Variants in ALDH4A1 observed in about 807,000 individuals in gnomAD.
ALDH4A1 encodes aldehyde dehydrogenase 4 family member A1.
Under a neutral mutation model 70.5 loss-of-function variants are expected in ALDH4A1, and 46 were observed. The observed-to-expected ratio is 0.65, with a 90% CI of 0.51 to 0.83. The LOEUF (loss-of-function observed/expected upper bound fraction) is 0.83. ALDH4A1 is among the 40% of genes least tolerant of loss of function. ALDH4A1 has a pLI of 0.00. For synonymous variants in ALDH4A1, 323 were observed against 324.3 expected, an observed-to-expected ratio of 1.00 and a Z score of 0.04; for missense variants, 749 against 766.5, an observed-to-expected ratio of 0.98 and a Z score of 0.27.
Position 18,871,570 on chromosome 1 carries a change from T to G in ALDH4A1, c.*1275A>C, listed in dbSNP as rs1138333. Reference sequence around the variant, plus strand: ...CCGGCCCCTCATGGGAAATGACACATATCCTGGAAGGACACAGAACCCACA... The same window carrying G: ...CCGGCCCCTCATGGGAAATGACACAGATCCTGGAAGGACACAGAACCCACA... On this transcript the variant is annotated 3_prime_UTR_variant, in exon 15 of 15. Transcript: ENST00000375341. The G allele has an allele frequency of 0.24, 36,847 of 152,262 alleles. 4,711 individuals are homozygous for G. Among genetic ancestry groups the G allele is most frequent in the Middle Eastern group, 0.31 (91 of 296 alleles). 9.4% of individuals were successfully genotyped at this position (152,262 alleles called of 1,614,324 possible).
chr1:18,896,892 CAAA>C (rs372356973), intron 1 of ALDH4A1, among the ~76,000 whole-genome samples: 4 of 119,892 alleles, frequency 3.3e-5, no homozygotes, highest in African/African-American at 3.1e-5. Context: ...GACGATGTCT[CAAA>C]AAAAAAAAAA....
intron 9 of ALDH4A1, 96 bp downstream of exon 9, chr1:18,879,204 T>C (rs1031051126): frequency 3.2e-5 from 41 of 1,276,192 alleles, no homozygotes; most frequent in Non-Finnish European, 4.3e-5. Flanking sequence ...TCCACCTGAC[T>C]TGTGGCTGGA....
chr1:18,877,880 T>C (rs767954038), intron 9 of ALDH4A1, among the ~76,000 whole-genome samples: 3 of 152,098 alleles, frequency 2.0e-5, no homozygotes, highest in Non-Finnish European at 4.4e-5. Flanking sequence ...CCCATTACAC[T>C]GATGGGAAAA....
intron 2 of ALDH4A1, 52 bp downstream of exon 2, chr1:18,889,960 G>T: frequency 7.0e-7 from 1 of 1,434,310 alleles, no homozygotes. Flanking sequence ...TGCTGGGGAT[G>T]GCCTCTGCTC....
chr1:18,881,125 C>G (rs996258844), intron 8 of ALDH4A1, among the ~76,000 whole-genome samples: 2 of 152,082 alleles, frequency 1.3e-5, no homozygotes, highest in East Asian at 3.9e-4. Context: ...CCTCCCCTAC[C>G]TCAACTCAAA....
Position 18,873,073 on chromosome 1 carries a change from G to C in ALDH4A1, c.1580-116C>G, listed in dbSNP as rs142667507. On this transcript the variant is annotated intron_variant, in intron 14 of 14. Transcript: ENST00000375341. ...CAGTGTAGCGGCCAGCAGCGAGCCT[G>C]CTGCCAAGCTTGGGGCATGCAGAAG... 2.3e-5 allele frequency: 20 copies of C among 887,560 alleles called. 1 individual carries two copies. The highest frequency in any genetic ancestry group is 2.2e-4 in the South Asian group (16 of 72,000). 55.0% of individuals were successfully genotyped at this position (887,560 alleles called of 1,614,324 possible).
At position 18,890,019 on chromosome 1, in the gene ALDH4A1, A is replaced by T; in HGVS notation, c.149T>A (p.Leu50Gln). Residue 50 changes from leucine to glutamine, a missense_variant, in exon 2 of 15, where the codon CTG becomes CAG. Coordinates refer to ENST00000375341, the MANE Select transcript of ALDH4A1 (RefSeq NM_003748.4). ...FTQGSPERDALQKALKDLKGR... is the reference protein window; with the variant it reads ...FTQGSPERDAQQKALKDLKGR... Reference sequence around the variant, plus strand: ...CTCCCACCCTCCCATTACCTTTTGCAGGGCATCTCGCTCAGGGCTGCCCTG... The same window carrying T: ...CTCCCACCCTCCCATTACCTTTTGCTGGGCATCTCGCTCAGGGCTGCCCTG... The T allele has an allele frequency of 6.2e-7, 1 of 1,607,644 alleles. No individual in the cohort carries two copies. Among genetic ancestry groups the T allele is most frequent in the Non-Finnish European group, 8.5e-7 (1 of 1,177,072 alleles).
chr1:18,878,653 G>A (rs939599427), intron 9 of ALDH4A1, among the ~76,000 whole-genome samples: 5 of 152,188 alleles, frequency 3.3e-5, no homozygotes, highest in Non-Finnish European at 5.9e-5. Flanking sequence ...CCCAATGCGT[G>A]TGGGAAACAC....
Position 18,876,373 on chromosome 1 carries a change from T to C in ALDH4A1, c.1280A>G (p.Tyr427Cys). 6.2e-7 allele frequency: 1 copy of C among 1,613,822 alleles called. No individual in the cohort carries two copies. Among genetic ancestry groups the C allele is most frequent in the Non-Finnish European group, 8.5e-7 (1 of 1,179,934 alleles). Residue 427 changes from tyrosine (Y) to cysteine (C), a missense_variant, in exon 12 of 15, where the codon TAC (tyrosine) becomes TGC (cysteine). Coordinates refer to ENST00000375341, the MANE Select transcript of ALDH4A1 (RefSeq NM_003748.4). ...CTCCACGATGCAGGGCTCCACAAAG[T>C]AGCCCACGGAGTCATCACACTTGCC... ...AGGKCDDSVG[Y>C]FVEPCIVESK...
chr1:18,889,536 C>T (rs994432311), intron 2 of ALDH4A1, 82 bp from the exon 3 acceptor site: 12 of 1,275,310 alleles, frequency 9.4e-6, no homozygotes, highest in African/African-American at 4.4e-5. Context: ...AGTCCACAGA[C>T]GGAGGTGCCC....
rs189298829 is a variant in ALDH4A1, at chr1:18,880,640, T to C, written c.866+1060A>G. ...GAAAGGAAACAGCGTGGATCAGGTA[T>C]GCAGGGAGCCAGAGGGCACCCACCC... is the stretch of plus-strand genomic sequence containing the variant. On this transcript the variant is annotated intron_variant, in intron 8 of 14. Transcript: ENST00000375341. The surrounding 1 kb of genome is among the most constrained non-coding windows in gnomAD (Gnocchi z 5.1). 3.2e-4 allele frequency among the ~76,000 whole-genome samples: 48 copies of C among 152,244 alleles called. No individual in the cohort carries two copies. Among genetic ancestry groups the C allele is most frequent in the African/African-American group, 1.2e-3 (48 of 41,516 alleles).
intron 1 of ALDH4A1, 56 bp downstream of exon 1, chr1:18,902,406 A>G: frequency 7.8e-7 from 1 of 1,280,934 alleles, no homozygotes. Flanking sequence ...AGTGACTCTC[A>G]GGCTCCCGGG....
chr1:18,879,572 G>A (rs1360119025), intron 8 of ALDH4A1, among the ~76,000 whole-genome samples, 199 bp from the exon 9 acceptor site: 1 of 152,178 alleles, frequency 6.6e-6, no homozygotes, highest in East Asian at 1.9e-4. Context: ...CTGCAGAGGA[G>A]GTCCATGTTC....
At position 18,885,511 on chromosome 1, in the gene ALDH4A1, G is replaced by A. The variant is rs942019101; in HGVS notation, c.415C>T (p.Arg139Cys). ...LKAADMLSGPRRAEILAKTMV... is the reference protein window; with the variant it reads ...LKAADMLSGPCRAEILAKTMV... Reference sequence around the variant, plus strand: ...GTCTTGGCGAGGATCTCAGCCCTGCGCGGCCCACTCAGCATGTCTGCCGCC... The same window carrying A: ...GTCTTGGCGAGGATCTCAGCCCTGCACGGCCCACTCAGCATGTCTGCCGCC... Residue 139 changes from arginine to cysteine, a missense_variant, in exon 5 of 15, where the codon CGC (arginine) becomes TGC (cysteine). Arg to Cys is a radical substitution (Grantham distance 180). Transcript: ENST00000375341. 3.3e-5 allele frequency: 50 copies of A among 1,501,052 alleles called. No individual in the cohort carries two copies. The highest frequency in any genetic ancestry group is 7.5e-5 in the Admixed American group (4 of 53,498). 93.0% of individuals were successfully genotyped at this position (1,501,052 alleles called of 1,614,324 possible).
intron 11 of ALDH4A1, 52 bp downstream of exon 11, chr1:18,877,146 TCCCTCTTCCA>T: frequency 6.4e-7 from 1 of 1,569,986 alleles, no homozygotes; most frequent in Non-Finnish European, 8.7e-7. Flanking sequence ...TATCTCTTCC[TCCCTCTTCCA>T]CCCACTCCAG....
chr1:18,901,206 C>G (rs1935786036), intron 1 of ALDH4A1, among the ~76,000 whole-genome samples: 1 of 152,194 alleles, frequency 6.6e-6, no homozygotes, highest in Admixed American at 6.5e-5. Flanking sequence ...GCCCCAGTCT[C>G]AGCCTAGAAG....
At chr1:18,894,770 C>A (rs911512856) in intron 1 of ALDH4A1, among the ~76,000 whole-genome samples, 1 of 151,824 alleles carries the variant, frequency 6.6e-6, no homozygotes, top group African/African-American at 2.4e-5. Context: ...GCCTGGAGAA[C>A]AGACACTAGT....
intron 7 of ALDH4A1, 41 bp from the exon 8 acceptor site, chr1:18,881,928 A>G: frequency 6.3e-7 from 1 of 1,579,158 alleles, no homozygotes; most frequent in Non-Finnish European, 8.6e-7. Context: ...GGATGGCGCC[A>G]CCAGCCCCCA....
At chr1:18,874,839 G>C (rs370369233) in intron 13 of ALDH4A1, among the ~76,000 whole-genome samples, 1 of 152,342 alleles carries the variant, frequency 6.6e-6, no homozygotes, top group East Asian at 1.9e-4. Context: ...GGAGTGGCCT[G>C]TCCTGGTCCA....
Sources: gnomAD v4.1 joint callset for allele counts (sites outside exome capture counted in the v4.1 genomes callset) on GRCh38, gnomAD v4.1.1 for gene constraint, Gnocchi (gnomAD v3.1) non-coding constraint, MANE v1.5 for transcripts, NCBI Gene and HGNC (gene_info 2026-07-23, HGNC 2026-07-21) for gene names.